ERC2: variants seen among roughly 807,000 people sequenced by gnomAD.
ERC2 encodes the protein ELKS/RAB6-interacting/CAST family member 2, also known as ERC protein 2.
A neutral mutation model predicts 114.8 loss-of-function variants in ERC2; 42 were observed. The observed-to-expected ratio is 0.37, with a 90% CI of 0.29 to 0.47. ERC2 has a LOEUF of 0.47. Ranked by LOEUF, ERC2 falls within the 20% of genes least tolerant of loss-of-function variation. The pLI, the probability that ERC2 is intolerant of heterozygous loss-of-function variation, is 0.99. For missense variants in ERC2, 939 were observed against 1,150.7 expected (o/e 0.82, Z 2.66); for synonymous variants, 454 against 425.5 (o/e 1.07, Z -0.82).
At chr3:55,801,202 G>A (rs376691254) in intron 14 of ERC2, among the ~76,000 whole-genome samples, 1 of 152,164 alleles carries the variant, frequency 6.6e-6, no homozygotes, top group South Asian at 2.1e-4. Flanking sequence ...CAATGTCTAT[G>A]AACCAACACC....
At chr3:55,860,343 C>T (rs2149260828) in intron 14 of ERC2, among the ~76,000 whole-genome samples, 1 of 152,250 alleles carries the variant, frequency 6.6e-6, no homozygotes, top group South Asian at 2.1e-4. Flanking sequence ...TATGCTCTAC[C>T]AAGAGGCCAT....
intron 1 of ERC2, among the ~76,000 whole-genome samples, chr3:56,452,865 C>T (rs1440418970): frequency 6.6e-6 from 1 of 152,206 alleles, no homozygotes; most frequent in Non-Finnish European, 1.5e-5. Flanking sequence ...GTACTTAGCA[C>T]AGTGCCTGAG....
intron 1 of ERC2, among the ~76,000 whole-genome samples, chr3:56,465,356 G>A (rs1022085183): frequency 2.6e-5 from 4 of 152,072 alleles, no homozygotes; most frequent in Admixed American, 1.3e-4. Flanking sequence ...CCAAGATCAC[G>A]CCACTGCACT....
At chr3:55,979,157 A>G (rs2069858792) in intron 12 of ERC2, among the ~76,000 whole-genome samples, 1 of 152,236 alleles carries the variant, frequency 6.6e-6, no homozygotes, top group African/African-American at 2.4e-5. Context: ...CATCAAACTG[A>G]CATATGATTA....
At chr3:56,306,475 T>C (rs753578110) in intron 2 of ERC2, among the ~76,000 whole-genome samples, 1 of 152,146 alleles carries the variant, frequency 6.6e-6, no homozygotes, top group African/African-American at 2.4e-5. Flanking sequence ...TAAAAGAATA[T>C]TGAACGGAAG....
At chr3:56,044,354 A>G (rs1221787324) in intron 7 of ERC2, among the ~76,000 whole-genome samples, 1 of 152,052 alleles carries the variant, frequency 6.6e-6, no homozygotes, top group Non-Finnish European at 1.5e-5. Context: ...TTTTTTTTCA[A>G]GAATTATTTA....
intron 3 of ERC2, among the ~76,000 whole-genome samples, chr3:56,260,730 T>G (rs1470797448): frequency 6.6e-6 from 1 of 152,238 alleles, no homozygotes; most frequent in Non-Finnish European, 1.5e-5. Context: ...CCAACCCATG[T>G]TCCACTCCAG....
At chr3:56,001,152 G>A (rs1033432780) in intron 10 of ERC2, among the ~76,000 whole-genome samples, 2 of 151,610 alleles carry the variant, frequency 1.3e-5, no homozygotes, top group African/African-American at 2.4e-5. Flanking sequence ...GGCAAGAGGA[G>A]AGAGGAAAGA....
At chr3:55,634,436 A>G (rs1575855003) in intron 17 of ERC2, among the ~76,000 whole-genome samples, 1 of 152,308 alleles carries the variant, frequency 6.6e-6, no homozygotes, top group Non-Finnish European at 1.5e-5. Context: ...GCTGTAACAT[A>G]ATCCTGGCTG....
intron 17 of ERC2, among the ~76,000 whole-genome samples, chr3:55,556,939 G>A (rs2055654265): frequency 6.6e-6 from 1 of 152,174 alleles, no homozygotes; most frequent in African/African-American, 2.4e-5. Flanking sequence ...ATTATTTACT[G>A]CAAGTCTACT....
chr3:56,418,153 G>A (rs1005402232), intron 2 of ERC2, among the ~76,000 whole-genome samples: 5 of 151,968 alleles, frequency 3.3e-5, no homozygotes, highest in Non-Finnish European at 7.4e-5. Flanking sequence ...AAAATATTAG[G>A]TGAGCATGTT....
chr3:56,237,980 T>G (rs1012749769), intron 3 of ERC2, among the ~76,000 whole-genome samples: 4 of 152,074 alleles, frequency 2.6e-5, no homozygotes, highest in Non-Finnish European at 4.4e-5. Context: ...AAGAAGATAT[T>G]GTCACATCTG....
chr3:55,691,610 T>C (rs1397627366), intron 16 of ERC2, among the ~76,000 whole-genome samples: 1 of 133,698 alleles, frequency 7.5e-6, no homozygotes, highest in Admixed American at 7.6e-5. Flanking sequence ...ATACTGTCTC[T>C]TATCTGGGCA....
chr3:56,428,049 T>G (rs981011198), intron 2 of ERC2, among the ~76,000 whole-genome samples: 1 of 152,020 alleles, frequency 6.6e-6, no homozygotes, highest in Admixed American at 6.5e-5. Context: ...CTTAGACTTA[T>G]AGTGGTAGAA....
chr3:55,627,720 A>G (rs1368480925), intron 17 of ERC2, among the ~76,000 whole-genome samples: 1 of 152,154 alleles, frequency 6.6e-6, no homozygotes, highest in Non-Finnish European at 1.5e-5. Flanking sequence ...CACAAAAGAA[A>G]GTGTCTTTCC....
chr3:55,783,698 T>C (rs919982909), intron 14 of ERC2, among the ~76,000 whole-genome samples: 1 of 150,982 alleles, frequency 6.6e-6, no homozygotes, highest in African/African-American at 2.5e-5. Context: ...TGCCCATCCT[T>C]GAGAATATAG....
intron 12 of ERC2, among the ~76,000 whole-genome samples, chr3:55,967,548 G>T (rs1418935131): frequency 6.6e-6 from 1 of 152,070 alleles, no homozygotes; most frequent in Non-Finnish European, 1.5e-5. Context: ...AAATTTATAA[G>T]AAAAACTTGC....
intron 17 of ERC2, among the ~76,000 whole-genome samples, chr3:55,584,824 A>G (rs1266695695): frequency 6.6e-6 from 1 of 152,176 alleles, no homozygotes; most frequent in Non-Finnish European, 1.5e-5. Context: ...ATTGCAATCC[A>G]CCATGTAGTA....
chr3:56,425,106 C>T (rs9819334), intron 2 of ERC2, among the ~76,000 whole-genome samples: 6,531 of 152,168 alleles, frequency 0.043, 360 homozygotes, highest in African/African-American at 0.12. Flanking sequence ...CGCCCTTCAT[C>T]CCACTTCCTT....
Sources: allele counts gnomAD v4.1 joint callset (sites outside exome capture counted in the v4.1 genomes callset), GRCh38; gene constraint gnomAD v4.1.1; transcripts MANE v1.5; gene names NCBI Gene and HGNC (gene_info 2026-07-23, HGNC 2026-07-21).